PPP1R12B: variants seen among roughly 807,000 people sequenced by gnomAD.
PPP1R12B encodes the protein myosin phosphatase target subunit 2.
A neutral mutation model predicts 126.1 loss-of-function variants in PPP1R12B; 76 were observed. That is an observed-to-expected ratio of 0.60 (90% CI 0.50 to 0.73). PPP1R12B has a LOEUF of 0.73. Ranked by LOEUF, PPP1R12B falls within the 30% of genes least tolerant of loss-of-function variation. The pLI, the probability that PPP1R12B is intolerant of heterozygous loss-of-function variation, is 0.00. For missense variants in PPP1R12B, 1,052 were observed against 1,205.1 expected, an observed-to-expected ratio of 0.87 and a Z score of 1.88; for synonymous variants, 356 against 434.7, an observed-to-expected ratio of 0.82 and a Z score of 2.25.
rs1687873183 is a variant in PPP1R12B at position 202,564,560 on chromosome 1, A to G, written c.2757+13A>G. The stretch of plus-strand genomic sequence containing the variant: ...GAAGGTGGCCCAGGTAAGACGGAAG[A>G]AGAAGAAAAAAGATGAGAACCAAGG... On this transcript the variant is annotated intron_variant, in intron 21 of 23. Coordinates refer to ENST00000608999, the MANE Select transcript of PPP1R12B (RefSeq NM_002481.4). The G allele has an allele frequency of 6.3e-7, 1 of 1,580,926 alleles. No individual in the cohort carries two copies. The highest frequency in any genetic ancestry group is 1.3e-5 in the African/African-American group (1 of 74,078).
At position 202,583,230 on chromosome 1, in the gene PPP1R12B, A is replaced by T. The variant is rs1689647403; in HGVS notation, c.*2670A>T. The T allele has an allele frequency of 6.6e-6, 1 of 152,220 alleles. No individual in the cohort carries two copies. The highest frequency in any genetic ancestry group is 1.5e-5 in the Non-Finnish European group (1 of 68,046). The allele number at this position is 152,220 out of a possible 1,614,324, so 9.4% of individuals were successfully genotyped here. The stretch of plus-strand genomic sequence containing the variant: ...AAAAGAAAATTGGATTATTAGGAAT[A>T]CATCTTGACCCTTTTCCACTCAATA... On this transcript the variant is annotated 3_prime_UTR_variant, in exon 24 of 24. Transcript: ENST00000608999.
chr1:202,365,538 G>A (rs1427860798), intron 1 of PPP1R12B, among the ~76,000 whole-genome samples: 1 of 152,078 alleles, frequency 6.6e-6, no homozygotes, highest in Non-Finnish European at 1.5e-5. Context: ...CTACCAAATA[G>A]GTGGTTTATT....
At chr1:202,534,807 T>C (rs1684365054) in intron 18 of PPP1R12B, among the ~76,000 whole-genome samples, 1 of 152,130 alleles carries the variant, frequency 6.6e-6, no homozygotes, top group African/African-American at 2.4e-5. Flanking sequence ...GATAAGTTTT[T>C]TCTTAAAGCA....
At chr1:202,457,611 T>C (rs1422778839) in intron 13 of PPP1R12B, among the ~76,000 whole-genome samples, 3 of 151,792 alleles carry the variant, frequency 2.0e-5, no homozygotes, top group African/African-American at 7.3e-5. Context: ...ATATAACTAT[T>C]ATGGGAAGTC....
At chr1:202,506,081 G>C (rs1680771500) in intron 18 of PPP1R12B, among the ~76,000 whole-genome samples, 1 of 152,172 alleles carries the variant, frequency 6.6e-6, no homozygotes, top group South Asian at 2.1e-4. Flanking sequence ...TGATGACGAT[G>C]CGCAGTCCCA....
chr1:202,489,018 G>A (rs1009920402), intron 14 of PPP1R12B, among the ~76,000 whole-genome samples: 11 of 152,142 alleles, frequency 7.2e-5, no homozygotes, highest in East Asian at 1.9e-4. Flanking sequence ...CCTCCTGGGC[G>A]ACAGAGCGAG....
At chr1:202,550,979 G>T (rs1686254607) in intron 18 of PPP1R12B, among the ~76,000 whole-genome samples, 1 of 152,194 alleles carries the variant, frequency 6.6e-6, no homozygotes, top group Non-Finnish European at 1.5e-5. Context: ...GGAGGTGCAG[G>T]TCTGCATAGA....
At chr1:202,479,894 A>G (rs1056638209) in intron 13 of PPP1R12B, among the ~76,000 whole-genome samples, 3 of 152,348 alleles carry the variant, frequency 2.0e-5, no homozygotes, top group South Asian at 2.1e-4. Context: ...TTTAAGAACC[A>G]CTTCCTTAGC....
intron 5 of PPP1R12B, 181 bp from the exon 6 acceptor site, chr1:202,428,674 C>T: frequency 1.8e-6 from 1 of 562,736 alleles, no homozygotes; most frequent in East Asian, 3.3e-5. Context: ...TTTGGTGTTT[C>T]TTGTTATGTG....
At chr1:202,368,321 C>G (rs112421474) in intron 1 of PPP1R12B, among the ~76,000 whole-genome samples, 1,641 of 152,220 alleles carry the variant, frequency 0.011, 28 homozygotes, top group African/African-American at 0.037. Flanking sequence ...AACCTTGCTC[C>G]CATTCTCGCC....
At chr1:202,470,696 C>T (rs1195389879) in intron 13 of PPP1R12B, among the ~76,000 whole-genome samples, 1 of 151,958 alleles carries the variant, frequency 6.6e-6, no homozygotes, top group Non-Finnish European at 1.5e-5. Context: ...GAGTTCAAGA[C>T]AAGCCTAGGC....
chr1:202,425,657 G>A lies in PPP1R12B; in HGVS notation c.633G>A (p.Val211=), dbSNP rs1167984931. The change falls in exon 4 of 24, where the codon GTG becomes GTA. Residue 211 remains valine (V), a synonymous_variant. Coordinates refer to ENST00000608999, the MANE Select transcript of PPP1R12B (RefSeq NM_002481.4). Reference sequence around the variant, plus strand: ...TCAACAGTGGGAAAATAGAGGATGTGAGGCAGGCTCGCTCAGGGGCTACAG... The same window carrying A: ...TCAACAGTGGGAAAATAGAGGATGTAAGGCAGGCTCGCTCAGGGGCTACAG... ...QWLNSGKIED[V]RQARSGATAL... is the part of the protein sequence containing the mutation. The A allele has an allele frequency of 1.2e-6, 2 of 1,613,838 alleles. No individual in the cohort carries two copies. The highest frequency in any genetic ancestry group is 1.3e-5 in the African/African-American group (1 of 74,926).
chr1:202,560,763 G>A (rs757769779), intron 19 of PPP1R12B, among the ~76,000 whole-genome samples: 1 of 152,138 alleles, frequency 6.6e-6, no homozygotes, highest in African/African-American at 2.4e-5. Context: ...TGGAGTTGCT[G>A]TGGTTCAAAT....
chr1:202,360,265 G>C (rs955165939), intron 1 of PPP1R12B, among the ~76,000 whole-genome samples: 1 of 152,142 alleles, frequency 6.6e-6, no homozygotes, highest in Admixed American at 6.6e-5. Context: ...GTGATTTAGT[G>C]GCCATTGATG....
intron 13 of PPP1R12B, among the ~76,000 whole-genome samples, chr1:202,454,489 A>G (rs779193725): frequency 6.6e-6 from 1 of 152,262 alleles, no homozygotes; most frequent in South Asian, 2.1e-4. Flanking sequence ...AGCCCAGGTG[A>G]TACATCAGTG....
At chr1:202,442,910 A>G (rs1326226997) in intron 12 of PPP1R12B, among the ~76,000 whole-genome samples, 1 of 148,180 alleles carries the variant, frequency 6.7e-6, no homozygotes, top group Non-Finnish European at 1.5e-5. Flanking sequence ...CTTATCTGAA[A>G]CAGAGTAGTT....
intron 18 of PPP1R12B, among the ~76,000 whole-genome samples, chr1:202,505,392 C>A (rs1157546342): frequency 2.0e-5 from 3 of 152,132 alleles, no homozygotes; most frequent in Admixed American, 6.5e-5. Flanking sequence ...GAGTAAATAG[C>A]AGCCCTTTTT....
intron 1 of PPP1R12B, among the ~76,000 whole-genome samples, chr1:202,408,746 G>A (rs1261844411): frequency 1.3e-5 from 2 of 151,512 alleles, no homozygotes; most frequent in Admixed American, 1.3e-4. Flanking sequence ...CTCTTCAATT[G>A]CTTCCACATT....
Position 202,382,387 on chromosome 1 carries a change from C to T in PPP1R12B, c.291+33245C>T, listed in dbSNP as rs1422604098. On this transcript the variant is annotated intron_variant, in intron 1 of 23. Transcript: ENST00000608999. ...TGTATACATATGTAACAAACCTGCA[C>T]GTTGTGCACATGTACCCTAGAACTT... Among the ~76,000 whole-genome samples the T allele has an allele frequency of 6.1e-5, 9 of 147,948 alleles. No homozygotes were observed. In the South Asian group the frequency reaches 1.1e-3, roughly 17 times the overall value.
Sources: gnomAD v4.1 joint callset for allele counts (sites outside exome capture counted in the v4.1 genomes callset) on GRCh38, gnomAD v4.1.1 for gene constraint, MANE v1.5 for transcripts, NCBI Gene and HGNC (gene_info 2026-07-23, HGNC 2026-07-21) for gene names.